PAPPA2: variants seen among roughly 807,000 people sequenced by gnomAD.
PAPPA2 encodes the protein pappalysin-2.
Under a neutral mutation model 176.4 loss-of-function variants are expected in PAPPA2, and 86 were observed. The observed-to-expected ratio is 0.49, with a 90% confidence interval of 0.41 to 0.58. PAPPA2 has a LOEUF of 0.58. PAPPA2 is among the 20% of genes least tolerant of loss of function. The pLI is 0.00. For missense variants in PAPPA2, 2,073 were observed against 2,256.9 expected (o/e 0.92, Z 1.65); for synonymous variants, 809 against 852.2 (o/e 0.95, Z 0.88).
At chr1:176,774,157 C>CT (rs1348782044) in intron 17 of PAPPA2, among the ~76,000 whole-genome samples, 1 of 152,100 alleles carries the variant, frequency 6.6e-6, no homozygotes, top group African/African-American at 2.4e-5. Flanking sequence ...CCTTTTCTAG[C>CT]TTTTTTTCCT....
chr1:176,821,366 G>A (rs10732997), intron 21 of PAPPA2, among the ~76,000 whole-genome samples: 93,538 of 152,070 alleles, frequency 0.62, 29,337 homozygotes, highest in East Asian at 0.76. Flanking sequence ...ATTATTTGAA[G>A]TAGATTTGAA....
intron 4 of PAPPA2, among the ~76,000 whole-genome samples, chr1:176,680,726 A>G (rs1659546248): frequency 6.6e-6 from 1 of 152,214 alleles, no homozygotes; most frequent in African/African-American, 2.4e-5. Flanking sequence ...ATGTTGGTTA[A>G]TCACTAGTAA....
chr1:176,657,739 A>T (rs1345766101), intron 3 of PAPPA2, among the ~76,000 whole-genome samples: 1 of 151,976 alleles, frequency 6.6e-6, no homozygotes, highest in Non-Finnish European at 1.5e-5. Context: ...CAAATTAGAG[A>T]TACTTATTAT....
chr1:176,670,932 C>A (rs755435100), intron 3 of PAPPA2, 38 bp from the exon 4 acceptor site: 3 of 1,611,798 alleles, frequency 1.9e-6, no homozygotes, highest in Non-Finnish European at 2.5e-6. Flanking sequence ...AGTACCAATT[C>A]TTTGCTGTGA....
chr1:176,647,375 T>C (rs548335360), intron 3 of PAPPA2, among the ~76,000 whole-genome samples: 1 of 151,878 alleles, frequency 6.6e-6, no homozygotes, highest in South Asian at 2.1e-4. Context: ...CTCTTCACTT[T>C]GTTGATTGTT....
intron 10 of PAPPA2, among the ~76,000 whole-genome samples, chr1:176,707,603 C>T (rs145006540): frequency 6.6e-5 from 10 of 152,130 alleles, no homozygotes; most frequent in Non-Finnish European, 4.4e-5. Context: ...AACCTTGAAA[C>T]AGACCATTCT....
At chr1:176,531,285 C>T (rs1649791094) in intron 1 of PAPPA2, among the ~76,000 whole-genome samples, 1 of 152,088 alleles carries the variant, frequency 6.6e-6, no homozygotes, top group Non-Finnish European at 1.5e-5. Flanking sequence ...CAAGGTTCAC[C>T]ATCATTGGTT....
At chr1:176,711,153 C>T (rs773616574) in intron 11 of PAPPA2, among the ~76,000 whole-genome samples, 1 of 152,098 alleles carries the variant, frequency 6.6e-6, no homozygotes, top group Non-Finnish European at 1.5e-5. Flanking sequence ...ACATTTATAA[C>T]CAGATACACT....
chr1:176,501,000 T>G (rs541427090), intron 1 of PAPPA2, among the ~76,000 whole-genome samples: 1 of 151,184 alleles, frequency 6.6e-6, no homozygotes, highest in African/African-American at 2.4e-5. Flanking sequence ...AGTTTCCAAA[T>G]GTTAACCATA....
At chr1:176,603,830 C>T (rs917982024) in intron 3 of PAPPA2, among the ~76,000 whole-genome samples, 7 of 152,148 alleles carry the variant, frequency 4.6e-5, no homozygotes. Flanking sequence ...TGCCCCGAGT[C>T]TATTTTTAAC....
intron 1 of PAPPA2, among the ~76,000 whole-genome samples, chr1:176,514,285 T>C (rs1048203044): frequency 6.6e-6 from 1 of 151,948 alleles, no homozygotes; most frequent in South Asian, 2.1e-4. Context: ...TCAGACTCCT[T>C]TAAACAACAG....
chr1:176,736,301 T>C (rs1435389054), intron 12 of PAPPA2, among the ~76,000 whole-genome samples: 1 of 151,864 alleles, frequency 6.6e-6, no homozygotes, highest in Non-Finnish European at 1.5e-5. Context: ...AAATTCATTA[T>C]TTATCTCTAA....
At chr1:176,518,690 C>T (rs1649055254) in intron 1 of PAPPA2, among the ~76,000 whole-genome samples, 1 of 152,074 alleles carries the variant, frequency 6.6e-6, no homozygotes, top group Non-Finnish European at 1.5e-5. Flanking sequence ...TGAACATGAG[C>T]CCACATGTGT....
chr1:176,752,451 A>G (rs35954651), intron 14 of PAPPA2, among the ~76,000 whole-genome samples: 33,161 of 151,836 alleles, frequency 0.22, 3,692 homozygotes, highest in East Asian at 0.3. Flanking sequence ...GAACATATAC[A>G]TATAATTAAC....
intron 17 of PAPPA2, among the ~76,000 whole-genome samples, chr1:176,778,491 C>G (rs767922485): frequency 5.9e-5 from 9 of 152,122 alleles, no homozygotes; most frequent in Non-Finnish European, 1.2e-4. Context: ...AAGATTCAAA[C>G]TGATTTTATC....
intron 20 of PAPPA2, among the ~76,000 whole-genome samples, chr1:176,798,172 A>T (rs1665527561): frequency 6.6e-6 from 1 of 152,154 alleles, no homozygotes; most frequent in South Asian, 2.1e-4. Context: ...GGTATTGTCA[A>T]CTCCACTATT....
intron 3 of PAPPA2, among the ~76,000 whole-genome samples, chr1:176,641,395 G>T (rs1311678590): frequency 2.6e-5 from 4 of 151,554 alleles, no homozygotes; most frequent in Non-Finnish European, 5.9e-5. Flanking sequence ...TCCAGTTTCA[G>T]CTTTCTACAT....
At position 176,677,441 on chromosome 1, in the gene PAPPA2, C is replaced by T. The variant is rs551013788; in HGVS notation, c.2137+6326C>T. On this transcript the variant is annotated intron_variant, in intron 4 of 22. Transcript: ENST00000367662. ...GCCATCAACACCATTTCTGCCCTTT[C>T]GTATGATTTTGTGCTTTCAATGCTG... is the stretch of plus-strand genomic sequence containing the variant. 8.5e-5 allele frequency among the ~76,000 whole-genome samples: 13 copies of T among 152,250 alleles called. No homozygotes were observed. In the East Asian group the frequency reaches 1.5e-3, roughly 18 times the overall value.
Position 176,702,578 on chromosome 1 carries a change from A to C in PAPPA2, c.3237-29A>C, listed in dbSNP as rs374617417. On this transcript the variant is annotated intron_variant, in intron 8 of 22. Coordinates refer to ENST00000367662, the MANE Select transcript of PAPPA2 (RefSeq NM_020318.3). The stretch of plus-strand genomic sequence containing the variant: ...AGGGCATGCCTCACTTTGTGGCTGT[A>C]GTGGTCACAAACCCTTTGGTTTCCA... 27 of 1,611,236 alleles carry C rather than the reference A, an allele frequency of 1.7e-5. 1 individual carries two copies.
Sources: gnomAD v4.1 joint callset for allele counts (sites outside exome capture counted in the v4.1 genomes callset) on GRCh38, gnomAD v4.1.1 for gene constraint, MANE v1.5 for transcripts, NCBI Gene and HGNC (gene_info 2026-07-23, HGNC 2026-07-21) for gene names.